RUVBL1: variants seen among roughly 807,000 people sequenced by gnomAD.
RUVBL1 encodes the protein ruvB-like 1.
In RUVBL1, 4 loss-of-function variants were observed where a neutral mutation model predicts 52.4. The observed-to-expected ratio is 0.08, with a 90% CI of 0.04 to 0.17. The LOEUF (loss-of-function observed/expected upper bound fraction) is 0.17. Ranked by LOEUF, RUVBL1 falls within the 10% of genes least tolerant of loss-of-function variation. The pLI, the probability that RUVBL1 is intolerant of heterozygous loss-of-function variation, is 1.00. For missense variants in RUVBL1, 298 were observed against 572.8 expected, an observed-to-expected ratio of 0.52 and a Z score of 4.90; for synonymous variants, 217 against 214.4, an observed-to-expected ratio of 1.01 and a Z score of -0.10.
chr3:128,078,196 C>T (rs1413780734), downstream of RUVBL1, among the ~76,000 whole-genome samples: 1 of 152,224 alleles, frequency 6.6e-6, no homozygotes, highest in African/African-American at 2.4e-5. Context: ...CAACCCCAGC[C>T]CCCTTCTGTA....
Position 128,087,812 on chromosome 3 carries a change from T to C in RUVBL1, c.1017-4A>G. The C allele has an allele frequency of 6.2e-7, 1 of 1,604,534 alleles. No homozygotes were observed. Among genetic ancestry groups the C allele is most frequent in the Non-Finnish European group, 8.5e-7 (1 of 1,171,364 alleles). On this transcript the variant is annotated splice_polypyrimidine_tract_variant and splice_region_variant and intron_variant, in intron 8 of 10. Coordinates refer to ENST00000322623, the MANE Select transcript of RUVBL1 (RefSeq NM_003707.3). ...GGATGTGATGTCCTCAGTGCCTCTG[T>C]AAGGGGCAAAATTAATCCCATCACC...
rs550228845 is a variant in RUVBL1 at position 128,080,819 on chromosome 3, C to T, written c.*431G>A. ...TTAGGTAAAACTGAGAAAATGTGAA[C>T]GCAGTAGAATAATGCATCAGTATTG... is the stretch of plus-strand genomic sequence containing the variant. On this transcript the variant is annotated 3_prime_UTR_variant, in exon 11 of 11. Transcript: ENST00000322623. 49 of 157,098 alleles carry T rather than the reference C, an allele frequency of 3.1e-4. No homozygotes were observed. The highest frequency in any genetic ancestry group is 5.2e-4 in the Non-Finnish European group (37 of 71,296). The allele number at this position is 157,098 out of a possible 1,614,324, so 9.7% of individuals were successfully genotyped here.
intron 1 of RUVBL1, among the ~76,000 whole-genome samples, chr3:128,131,709 G>A (rs1241763113): frequency 1.3e-5 from 2 of 152,156 alleles, no homozygotes; most frequent in Non-Finnish European, 2.9e-5. Flanking sequence ...CATATTAATA[G>A]AGTGAAGGGG....
At position 128,112,972 on chromosome 3, in the gene RUVBL1, A is replaced by C; in HGVS notation, c.277T>G (p.Phe93Val). 1 of 1,614,188 alleles carries C rather than the reference A, an allele frequency of 6.2e-7. No homozygotes were observed. Among genetic ancestry groups the C allele is most frequent in the East Asian group, 2.2e-5 (1 of 44,882 alleles). The change falls in exon 3 of 11, where the codon TTC (phenylalanine) becomes GTC (valine). Residue 93 changes from phenylalanine (F) to valine (V), a missense_variant. This residue lies in a region of RUVBL1 where 71 missense variants were observed against 125.7 expected (regional missense o/e 0.57). Transcript: ENST00000322623. ...IAQELGSKVP[F>V]CPMVGSEVYS... Reference sequence around the variant, plus strand: ...ACTTCACTCCCCACCATTGGGCAGAAGGGGACCTTACTACCCAGCTCCTGA... The same window carrying C: ...ACTTCACTCCCCACCATTGGGCAGACGGGGACCTTACTACCCAGCTCCTGA...
intron 1 of RUVBL1, among the ~76,000 whole-genome samples, chr3:128,144,580 G>T (rs891182501): frequency 4.6e-5 from 7 of 152,210 alleles, no homozygotes; most frequent in African/African-American, 1.7e-4. Flanking sequence ...TTGGTGGTGA[G>T]TGCATTCAAG....
chr3:128,088,090 C>T (rs1053968786), intron 8 of RUVBL1, among the ~76,000 whole-genome samples: 9 of 151,990 alleles, frequency 5.9e-5, no homozygotes, highest in Middle Eastern at 3.4e-3. Context: ...GTTGAAACCC[C>T]GTCTCTACTA....
intron 1 of RUVBL1, among the ~76,000 whole-genome samples, chr3:128,133,579 G>A (rs1233139909): frequency 6.6e-6 from 1 of 152,202 alleles, no homozygotes; most frequent in African/African-American, 2.4e-5. Flanking sequence ...TACGGGAAGA[G>A]AACAAGAGTC....
At chr3:128,069,782 C>A in intron 9 of RUVBL1, 1 of 905,712 alleles carries the variant, frequency 1.1e-6, no homozygotes, top group Non-Finnish European at 1.7e-6. Flanking sequence ...ATTTCGTATT[C>A]TTTCATTCCA....
At position 128,119,360 on chromosome 3, in the gene RUVBL1, C is replaced by T. The variant is rs1415917887; in HGVS notation, c.196G>A (p.Val66Ile). ...IKSKKMAGRA[V>I]LLAGPPGTGK... is the part of the protein sequence containing the mutation. The stretch of plus-strand genomic sequence containing the variant: ...GTTCCAGGAGGTCCTGCCAACAAGA[C>T]AGCTCTTCCAGCCATTTTCTTGCTT... Residue 66 changes from valine (V) to isoleucine (I), a missense_variant, in exon 2 of 11, where the codon GTC becomes ATC. Transcript: ENST00000322623. 5 of 1,614,098 alleles carry T rather than the reference C, an allele frequency of 3.1e-6. No homozygotes were observed. The highest frequency in any genetic ancestry group is 1.3e-5 in the African/African-American group (1 of 75,046).
At chr3:128,143,139 C>A (rs1044709820) in intron 1 of RUVBL1, among the ~76,000 whole-genome samples, 1 of 151,022 alleles carries the variant, frequency 6.6e-6, no homozygotes, top group Non-Finnish European at 1.5e-5. Flanking sequence ...CCCTGATACT[C>A]CAGGATAATC....
intron 6 of RUVBL1, 101 bp from the exon 7 acceptor site, chr3:128,099,046 G>T: frequency 1.0e-6 from 1 of 962,436 alleles, no homozygotes; most frequent in Non-Finnish European, 1.7e-6. Flanking sequence ...GGATCCTGAG[G>T]TATGGAGACC....
rs967274840 is a variant in RUVBL1, at chr3:128,067,350, G to A, written c.940-2130C>T. On this transcript the variant is annotated intron_variant, in intron 9 of 9. Coordinates refer to the RUVBL1 transcript ENST00000464873. The surrounding 1 kb of genome is among the most constrained non-coding windows in gnomAD (Gnocchi z 4.1). ...AAAATTGCATTCTTTCATCTGCTCA[G>A]AACTATTTTTGCCTTGATGCTAAAG... is the stretch of plus-strand genomic sequence containing the variant. The A allele has an allele frequency of 6.7e-7, 1 of 1,500,482 alleles. No individual in the cohort carries two copies. Among genetic ancestry groups the A allele is most frequent in the Non-Finnish European group, 9.1e-7 (1 of 1,103,322 alleles). The allele number at this position is 1,500,482 out of a possible 1,614,324, so 92.9% of individuals were successfully genotyped here. A position where few individuals can be genotyped will look rare whatever the true frequency, so the allele number is the denominator to read the frequency against.
At chr3:128,088,973 A>G (rs1942742314) in intron 8 of RUVBL1, among the ~76,000 whole-genome samples, 1 of 152,190 alleles carries the variant, frequency 6.6e-6, no homozygotes, top group South Asian at 2.1e-4. Context: ...ACTTGAATGA[A>G]TAACTATCCT....
chr3:128,086,409 A>G (rs1942647356), intron 9 of RUVBL1, among the ~76,000 whole-genome samples: 1 of 152,260 alleles, frequency 6.6e-6, no homozygotes, highest in African/African-American at 2.4e-5. Flanking sequence ...ACGATGCTCA[A>G]CAAAGATGCC....
Position 128,068,029 on chromosome 3 carries a change from G to A in RUVBL1, c.940-2809C>T, listed in dbSNP as rs999665018. On this transcript the variant is annotated intron_variant, in intron 9 of 9. Transcript: ENST00000464873. ...CAGCAGATGGTGATGAGAGGCCACCGAGAGACCTCCATGGTCCATGAACTC... is the reference window on the plus strand; with the variant it reads ...CAGCAGATGGTGATGAGAGGCCACCAAGAGACCTCCATGGTCCATGAACTC... The A allele has an allele frequency of 1.2e-6, 2 of 1,613,754 alleles. No homozygotes were observed. Among genetic ancestry groups the A allele is most frequent in the Non-Finnish European group, 1.7e-6 (2 of 1,179,992 alleles).
At chr3:128,079,964 G>A (rs1026062793), downstream of RUVBL1, among the ~76,000 whole-genome samples, 31 of 152,318 alleles carry the variant, frequency 2.0e-4, no homozygotes, top group Admixed American at 3.3e-4. Flanking sequence ...TGGGAACAGC[G>A]TCCGGGTACT....
intron 1 of RUVBL1, among the ~76,000 whole-genome samples, chr3:128,143,289 T>C (rs1944057726): frequency 6.6e-6 from 1 of 151,626 alleles, no homozygotes; most frequent in South Asian, 2.1e-4. Flanking sequence ...TCTCCTGCCT[T>C]AGCCTCTCGA....
At chr3:128,122,328 T>C (rs142815199) in intron 1 of RUVBL1, among the ~76,000 whole-genome samples, 12 of 152,302 alleles carry the variant, frequency 7.9e-5, no homozygotes, top group Admixed American at 5.9e-4. Context: ...TGAAAAGATA[T>C]ATGATAAAGC....
intron 9 of RUVBL1, chr3:128,085,011 G>A (rs929624274): frequency 6.6e-6 from 1 of 152,382 alleles, no homozygotes; most frequent in Non-Finnish European, 1.5e-5. Context: ...CTAGCTCTGA[G>A]TGGCAGTCCT....
Sources: allele counts gnomAD v4.1 joint callset (sites outside exome capture counted in the v4.1 genomes callset), GRCh38; gene constraint gnomAD v4.1.1; regional missense constraint gnomAD v4.1.1; non-coding constraint Gnocchi (gnomAD v3.1); transcripts MANE v1.5; gene names NCBI Gene and HGNC (gene_info 2026-07-23, HGNC 2026-07-21).